Variants in RORB observed in about 807,000 individuals in gnomAD.
RORB encodes RAR related orphan receptor B, also known as nuclear receptor ROR-beta.
In RORB, 6 loss-of-function variants were observed where a neutral mutation model predicts 59.1. The ratio of observed to expected loss-of-function variants is 0.10; its 90% confidence interval spans 0.06 to 0.20. RORB has a LOEUF of 0.20. Ranked by LOEUF, RORB falls within the 10% of genes least tolerant of loss-of-function variation. The pLI, the probability that RORB is intolerant of heterozygous loss-of-function variation, is 1.00. For synonymous variants in RORB, 215 were observed against 204.5 expected (o/e 1.05, Z -0.44); for missense variants, 320 against 560.5 (o/e 0.57, Z 4.33).
intron 1 of RORB, among the ~76,000 whole-genome samples, chr9:74,598,693 A>G (rs2118312369): frequency 6.6e-6 from 1 of 151,998 alleles, no homozygotes; most frequent in African/African-American, 2.4e-5. Context: ...TGCAATTGGT[A>G]TAATAATAAT....
Position 74,686,384 on chromosome 9 carries a change from A to C in RORB, c.*766A>C, listed in dbSNP as rs1177569709. 2 of 152,608 alleles carry C rather than the reference A, an allele frequency of 1.3e-5. No individual in the cohort carries two copies. The highest frequency in any genetic ancestry group is 4.8e-5 in the African/African-American group (2 of 41,572). 9.5% of individuals were successfully genotyped at this position (152,608 alleles called of 1,614,324 possible). On this transcript the variant is annotated 3_prime_UTR_variant, in exon 10 of 10. Coordinates refer to ENST00000376896, the MANE Select transcript of RORB (RefSeq NM_006914.4). Reference sequence around the variant, plus strand: ...AACTCTATTTCTGTCAATGACATCAAAGCCTTGTCAAGATGGTTCATATTG... The same window carrying C: ...AACTCTATTTCTGTCAATGACATCACAGCCTTGTCAAGATGGTTCATATTG...
At chr9:74,570,015 A>G (rs1822527683) in intron 1 of RORB, among the ~76,000 whole-genome samples, 1 of 152,064 alleles carries the variant, frequency 6.6e-6, no homozygotes, top group South Asian at 2.1e-4. Context: ...AACAATATAA[A>G]ACTTCAGTTG....
intron 1 of RORB, among the ~76,000 whole-genome samples, chr9:74,595,280 T>A (rs6560399): frequency 0.78 from 118,720 of 152,094 alleles, 46,703 homozygotes; most frequent in East Asian, 0.92. Context: ...AGGCTTGCTG[T>A]CATTCAAGAA....
At chr9:74,614,375 C>T (rs748637874) in intron 1 of RORB, among the ~76,000 whole-genome samples, 1 of 151,764 alleles carries the variant, frequency 6.6e-6, no homozygotes, top group Non-Finnish European at 1.5e-5. Context: ...AATTAAAAGA[C>T]AACCTCTTTT....
At chr9:74,607,111 G>C (rs531211415) in intron 1 of RORB, among the ~76,000 whole-genome samples, 10 of 152,230 alleles carry the variant, frequency 6.6e-5, no homozygotes, top group African/African-American at 2.2e-4. Context: ...CTCATCCTGC[G>C]ATGTTGCATA....
rs572966334 is a variant in RORB at position 74,512,189 on chromosome 9, A to G, written c.7+14206A>G. 2.6e-5 allele frequency among the ~76,000 whole-genome samples: 4 copies of G among 152,308 alleles called. No homozygotes were observed. In the East Asian group the frequency reaches 5.8e-4, roughly 22 times the overall value. ...AGAAAAATTAGTCAGCTAGTCTTCA[A>G]TTTGTCTCCATTAAACTAGCTTGTG... On this transcript the variant is annotated intron_variant, in intron 1 of 9. Coordinates refer to ENST00000376896, the MANE Select transcript of RORB (RefSeq NM_006914.4).
intron 1 of RORB, among the ~76,000 whole-genome samples, chr9:74,582,825 T>C (rs1299894753): frequency 6.6e-6 from 1 of 152,162 alleles, no homozygotes; most frequent in Non-Finnish European, 1.5e-5. Context: ...AAAGATCCTG[T>C]ATGCATGAGA....
chr9:74,531,698 A>G (rs1272380980), intron 1 of RORB, among the ~76,000 whole-genome samples: 6 of 152,000 alleles, frequency 3.9e-5, no homozygotes. Flanking sequence ...AATAAGCCCT[A>G]CATTTTTTAA....
At chr9:74,556,443 A>T (rs1184419709) in intron 1 of RORB, among the ~76,000 whole-genome samples, 1 of 152,178 alleles carries the variant, frequency 6.6e-6, no homozygotes, top group Non-Finnish European at 1.5e-5. Context: ...ATCCTGATTC[A>T]CAAAGAGCTG....
intron 1 of RORB, among the ~76,000 whole-genome samples, chr9:74,502,567 C>T (rs934969155): frequency 5.9e-5 from 9 of 151,872 alleles, no homozygotes; most frequent in Admixed American, 2.0e-4. Context: ...GAATAATACA[C>T]CTCTAATTTA....
intron 1 of RORB, among the ~76,000 whole-genome samples, chr9:74,533,231 A>G (rs1563930294): frequency 6.6e-6 from 1 of 151,966 alleles, no homozygotes; most frequent in Admixed American, 6.6e-5. Context: ...GAGGAAAATG[A>G]TAGATGTTTC....
At chr9:74,662,887 A>G (rs1824211936) in intron 6 of RORB, among the ~76,000 whole-genome samples, 1 of 152,162 alleles carries the variant, frequency 6.6e-6, no homozygotes, top group African/African-American at 2.4e-5. Context: ...TAGCGTGTCA[A>G]GGTGGCTGAA....
intron 1 of RORB, among the ~76,000 whole-genome samples, chr9:74,628,186 C>T (rs9314826): frequency 1 from 152,255 of 152,272 alleles, 76,119 homozygotes; most frequent in Non-Finnish European, 1. Context: ...TTTTCTCCTA[C>T]CACAAAATCT....
chr9:74,685,661 A>G lies in RORB; in HGVS notation c.*43A>G. On this transcript the variant is annotated 3_prime_UTR_variant, in exon 10 of 10. Coordinates refer to ENST00000376896, the MANE Select transcript of RORB (RefSeq NM_006914.4). ...TCTCATAGTCATGGAATGCATCACCATTAAGACAAAAGCAATGTGTTCATG... is the reference window on the plus strand; with the variant it reads ...TCTCATAGTCATGGAATGCATCACCGTTAAGACAAAAGCAATGTGTTCATG... The G allele has an allele frequency of 6.8e-7, 1 of 1,466,204 alleles. No homozygotes were observed. Among genetic ancestry groups the G allele is most frequent in the East Asian group, 2.3e-5 (1 of 42,702 alleles). 90.8% of individuals were successfully genotyped at this position (1,466,204 alleles called of 1,614,324 possible). A position where few individuals can be genotyped will look rare whatever the true frequency, so the allele number is the denominator to read the frequency against.
At chr9:74,517,928 A>T (rs915914190) in intron 1 of RORB, among the ~76,000 whole-genome samples, 1 of 152,034 alleles carries the variant, frequency 6.6e-6, no homozygotes, top group Non-Finnish European at 1.5e-5. Flanking sequence ...AACCCTTGAG[A>T]TTAGCAGTAT....
chr9:74,669,244 C>T (rs552523652), intron 8 of RORB, among the ~76,000 whole-genome samples: 10 of 152,224 alleles, frequency 6.6e-5, no homozygotes, highest in African/African-American at 2.2e-4. Context: ...TTCGGGAGGC[C>T]GAGGCCAGCG....
intron 6 of RORB, among the ~76,000 whole-genome samples, chr9:74,663,980 C>G (rs1327839): frequency 0.27 from 40,366 of 151,884 alleles, 5,654 homozygotes; most frequent in East Asian, 0.3. Flanking sequence ...AGTCATGAAG[C>G]CCCACCCAGA....
chr9:74,689,136 A>G lies in RORB; in HGVS notation c.*3518A>G, dbSNP rs1008227573. ...TGTTTTGAGACAGATCTTGTTCAAC[A>G]TGTTGCTCAGGCTGGAGTGCAGTGG... is the stretch of plus-strand genomic sequence containing the variant. On this transcript the variant is annotated 3_prime_UTR_variant, in exon 10 of 10. Coordinates refer to ENST00000376896, the MANE Select transcript of RORB (RefSeq NM_006914.4). 1 of 152,182 alleles carries G rather than the reference A, an allele frequency of 6.6e-6. No individual in the cohort carries two copies. The highest frequency in any genetic ancestry group is 1.5e-5 in the Non-Finnish European group (1 of 68,152). 9.4% of individuals were successfully genotyped at this position (152,182 alleles called of 1,614,324 possible).
Position 74,671,150 on chromosome 9 carries a change from AAG to A in RORB, c.1112-632_1112-631del, listed in dbSNP as rs973608065. On this transcript the variant is annotated intron_variant, in intron 8 of 9. Coordinates refer to ENST00000376896, the MANE Select transcript of RORB (RefSeq NM_006914.4). ...TGGGAGGGAGGGAGGAAGGGAGAAAAAGAGAGAGGAAGAAAGGAGGGAAGGAA... is the reference window on the plus strand; with the variant it reads ...TGGGAGGGAGGGAGGAAGGGAGAAAAAGAGAGGAAGAAAGGAGGGAAGGAA... 6.6e-5 allele frequency among the ~76,000 whole-genome samples: 10 copies of A among 151,582 alleles called. No individual in the cohort carries two copies. In the East Asian group the frequency reaches 1.9e-3, roughly 30 times the overall value.
Sources: allele counts gnomAD v4.1 joint callset (sites outside exome capture counted in the v4.1 genomes callset), GRCh38; gene constraint gnomAD v4.1.1; transcripts MANE v1.5; gene names NCBI Gene and HGNC (gene_info 2026-07-23, HGNC 2026-07-21).